The following BNC2 variants were observed in gnomAD, a reference collection of about 807,000 sequenced individuals.
BNC2 encodes basonuclin zinc finger protein 2, also known as zinc finger protein basonuclin-2.
In BNC2, 20 loss-of-function variants were observed where a neutral mutation model predicts 76.3. The observed-to-expected ratio is 0.26, with a 90% CI of 0.18 to 0.38. The LOEUF is 0.38. Ranked by LOEUF, BNC2 falls within the 10% of genes least tolerant of loss-of-function variation. The pLI is 1.00. For synonymous variants in BNC2, 582 were observed against 514.8 expected, an observed-to-expected ratio of 1.13 and a Z score of -1.77; for missense variants, 1,382 against 1,399.8, an observed-to-expected ratio of 0.99 and a Z score of 0.20.
intron 3 of BNC2, among the ~76,000 whole-genome samples, chr9:16,690,253 G>C (rs1823116698): frequency 6.6e-6 from 1 of 152,116 alleles, no homozygotes; most frequent in Non-Finnish European, 1.5e-5. Flanking sequence ...TAGCACTTAG[G>C]GAGGTCAAGG....
chr9:16,567,030 T>C (rs921304913), intron 4 of BNC2, among the ~76,000 whole-genome samples: 1 of 152,188 alleles, frequency 6.6e-6, no homozygotes, highest in Non-Finnish European at 1.5e-5. Context: ...CCTAAAATGC[T>C]AGAAACAGAG....
chr9:16,429,273 T>C lies in BNC2; in HGVS notation c.2639+6282A>G, dbSNP rs1016222258. ...TACAGCAAAAGAGTTGATAGCAGCC[T>C]TTCATCTAAGACAAAACGGAACTTA... On this transcript the variant is annotated intron_variant, in intron 6 of 6. Coordinates refer to ENST00000380672, the MANE Select transcript of BNC2 (RefSeq NM_017637.6). 1.1e-4 allele frequency: 16 copies of C among 152,308 alleles called. 1 individual carries two copies. In the East Asian group the frequency reaches 2.9e-3, roughly 28 times the overall value. 9.4% of individuals were successfully genotyped at this position (152,308 alleles called of 1,614,324 possible). A position where few individuals can be genotyped will look rare whatever the true frequency, so the allele number is the denominator to read the frequency against.
chr9:16,761,576 A>T (rs970062234), intron 1 of BNC2, among the ~76,000 whole-genome samples: 2 of 152,206 alleles, frequency 1.3e-5, no homozygotes, highest in Non-Finnish European at 2.9e-5. Flanking sequence ...GGGGAGAGGG[A>T]GTCAGAAAAG....
chr9:16,442,232 T>C lies in BNC2; in HGVS notation c.670-4708A>G, dbSNP rs374404875. Among the ~76,000 whole-genome samples the C allele has an allele frequency of 3.3e-5, 5 of 152,230 alleles. No individual in the cohort carries two copies. The East Asian group carries it at 9.6e-4, about 29-fold the overall frequency. On this transcript the variant is annotated intron_variant, in intron 5 of 6. Coordinates refer to ENST00000380672, the MANE Select transcript of BNC2 (RefSeq NM_017637.6). ...ACTGGCTATACTGTTAATTAAAAGATGAGTAACACCAAATAATATAGACTT... is the reference window on the plus strand; with the variant it reads ...ACTGGCTATACTGTTAATTAAAAGACGAGTAACACCAAATAATATAGACTT...
intron 3 of BNC2, among the ~76,000 whole-genome samples, chr9:16,627,663 TCA>T (rs1821037007): frequency 6.6e-6 from 1 of 152,192 alleles, no homozygotes; most frequent in African/African-American, 2.4e-5. Context: ...ATTGTTCTCC[TCA>T]CACCCTGTGG....
chr9:16,564,837 A>G (rs1366090054), intron 4 of BNC2, among the ~76,000 whole-genome samples: 1 of 152,194 alleles, frequency 6.6e-6, no homozygotes, highest in Non-Finnish European at 1.5e-5. Flanking sequence ...TTTTCAATAC[A>G]TAACTTTATA....
At chr9:16,770,378 C>G (rs1479298183) in intron 1 of BNC2, among the ~76,000 whole-genome samples, 1 of 152,166 alleles carries the variant, frequency 6.6e-6, no homozygotes, top group Non-Finnish European at 1.5e-5. Context: ...TAAGATACTT[C>G]TTAAATAATT....
At chr9:16,796,948 A>G (rs1162933223) in intron 1 of BNC2, among the ~76,000 whole-genome samples, 1 of 152,212 alleles carries the variant, frequency 6.6e-6, no homozygotes, top group Non-Finnish European at 1.5e-5. Context: ...TGTTAGCAAA[A>G]GTGGGGCTTC....
chr9:16,521,852 T>A (rs907740615), intron 5 of BNC2, among the ~76,000 whole-genome samples: 1 of 152,148 alleles, frequency 6.6e-6, no homozygotes, highest in Non-Finnish European at 1.5e-5. Flanking sequence ...GCTGCAACCG[T>A]TTTTAAATAC....
At chr9:16,672,219 C>T (rs371555442) in intron 3 of BNC2, among the ~76,000 whole-genome samples, 3 of 152,218 alleles carry the variant, frequency 2.0e-5, no homozygotes, top group African/African-American at 7.2e-5. Flanking sequence ...TAACATTGGC[C>T]GGACGCGGTG....
intron 3 of BNC2, among the ~76,000 whole-genome samples, chr9:16,589,464 G>A (rs144006239): frequency 2.7e-4 from 41 of 151,610 alleles, no homozygotes; most frequent in African/African-American, 7.5e-4. Context: ...GGGATTATAG[G>A]TGTGAGTCAT....
intron 1 of BNC2, among the ~76,000 whole-genome samples, chr9:16,752,628 A>G (rs1825254424): frequency 1.5e-5 from 2 of 137,416 alleles, no homozygotes; most frequent in African/African-American, 5.3e-5. Flanking sequence ...TTTTTTAATG[A>G]CACACAAGTT....
intron 3 of BNC2, among the ~76,000 whole-genome samples, chr9:16,662,637 G>C (rs1334957788): frequency 6.6e-6 from 1 of 152,182 alleles, no homozygotes. Context: ...TCAGGAGGCT[G>C]AGGCAGGAGA....
At chr9:16,659,751 C>T (rs556960198) in intron 3 of BNC2, among the ~76,000 whole-genome samples, 1 of 152,256 alleles carries the variant, frequency 6.6e-6, no homozygotes, top group East Asian at 1.9e-4. Context: ...CTGTCATCTC[C>T]TCAGCGTTGC....
At chr9:16,850,304 T>C (rs115139812) in intron 1 of BNC2, among the ~76,000 whole-genome samples, 557 of 152,342 alleles carry the variant, frequency 3.7e-3, no homozygotes, top group African/African-American at 0.012. Context: ...AGTGGAATGA[T>C]ATTTATAAGC....
At chr9:16,683,174 T>C (rs918411904) in intron 3 of BNC2, among the ~76,000 whole-genome samples, 24 of 152,112 alleles carry the variant, frequency 1.6e-4, no homozygotes, top group Non-Finnish European at 2.9e-4. Flanking sequence ...CAAAGATACA[T>C]TCATTGACCA....
chr9:16,456,388 T>C (rs553883881), intron 5 of BNC2, among the ~76,000 whole-genome samples: 173 of 152,020 alleles, frequency 1.1e-3, no homozygotes, highest in Non-Finnish European at 1.3e-3. Context: ...GCAAAGTTTA[T>C]GTGAGGTGAA....
chr9:16,805,994 A>T (rs748008506), intron 1 of BNC2, among the ~76,000 whole-genome samples: 3 of 152,232 alleles, frequency 2.0e-5, no homozygotes, highest in Non-Finnish European at 4.4e-5. Flanking sequence ...TTGCTTCCCC[A>T]ATGAAGCAGA....
rs554717225 is a variant in BNC2, at chr9:16,761,331, T to C, written c.4-22846A>G. On this transcript the variant is annotated intron_variant, in intron 1 of 6. Transcript: ENST00000380672. ...ATTTCTGGTATAGAGGTAGCAATAGTTAGCTGCAATTTCAGAGGTAATTCC... is the reference window on the plus strand; with the variant it reads ...ATTTCTGGTATAGAGGTAGCAATAGCTAGCTGCAATTTCAGAGGTAATTCC... 5.3e-5 allele frequency among the ~76,000 whole-genome samples: 8 copies of C among 152,312 alleles called. No individual in the cohort carries two copies. In the South Asian group the frequency reaches 6.2e-4, roughly 12 times the overall value.
Sources: gnomAD v4.1 joint callset for allele counts (sites outside exome capture counted in the v4.1 genomes callset) on GRCh38, gnomAD v4.1.1 for gene constraint, MANE v1.5 for transcripts, NCBI Gene and HGNC (gene_info 2026-07-23, HGNC 2026-07-21) for gene names.